Variants in KHDRBS2 observed in about 807,000 individuals in gnomAD.
The protein encoded by KHDRBS2 is KH RNA binding domain containing, signal transduction associated 2.
KHDRBS2 carries 26 observed loss-of-function variants against 44.3 expected under a neutral mutation model. The observed-to-expected ratio is 0.59, with a 90% CI of 0.43 to 0.81. KHDRBS2 has a LOEUF of 0.81. KHDRBS2 is among the 40% of genes least tolerant of loss of function. The pLI, the probability that KHDRBS2 is intolerant of heterozygous loss-of-function variation, is 0.00. For synonymous variants in KHDRBS2, 194 were observed against 151.1 expected (o/e 1.28, Z -2.08); for missense variants, 476 against 433.1 (o/e 1.10, Z -0.88).
intron 2 of KHDRBS2, among the ~76,000 whole-genome samples, chr6:62,126,884 A>G (rs778562537): frequency 1.3e-5 from 2 of 152,184 alleles, no homozygotes; most frequent in Non-Finnish European, 2.9e-5. Context: ...ATTTAACTTT[A>G]TATATAGGTT....
intron 2 of KHDRBS2, among the ~76,000 whole-genome samples, chr6:62,139,795 A>G (rs2150097039): frequency 6.6e-6 from 1 of 152,226 alleles, no homozygotes. Context: ...CCATTTATTA[A>G]TTGACAATCA....
intron 2 of KHDRBS2, among the ~76,000 whole-genome samples, chr6:62,171,337 G>C (rs1027775233): frequency 2.0e-5 from 3 of 151,728 alleles, no homozygotes; most frequent in Non-Finnish European, 4.4e-5. Context: ...AAGAATCTTA[G>C]AGCTCAAACA....
intron 4 of KHDRBS2, among the ~76,000 whole-genome samples, chr6:61,971,815 C>T (rs1379427792): frequency 6.6e-6 from 1 of 152,144 alleles, no homozygotes; most frequent in Non-Finnish European, 1.5e-5. Flanking sequence ...AAACACATTA[C>T]TATCCAATCT....
chr6:62,176,769 T>G (rs1345495232), intron 2 of KHDRBS2, among the ~76,000 whole-genome samples: 1 of 151,306 alleles, frequency 6.6e-6, no homozygotes, highest in Non-Finnish European at 1.5e-5. Flanking sequence ...CCATGTGACT[T>G]TCTTAGATAT....
chr6:62,129,886 C>G (rs1435343691), intron 2 of KHDRBS2, among the ~76,000 whole-genome samples: 1 of 151,974 alleles, frequency 6.6e-6, no homozygotes, highest in African/African-American at 2.4e-5. Context: ...GCAATTATCA[C>G]CTGTAGGCAA....
chr6:62,126,382 C>T (rs377159721), intron 2 of KHDRBS2, among the ~76,000 whole-genome samples: 5 of 152,154 alleles, frequency 3.3e-5, no homozygotes, highest in Non-Finnish European at 4.4e-5. Context: ...CCCTGGCTCC[C>T]GGACAGCATC....
Position 61,894,761 on chromosome 6 carries a change from T to C in KHDRBS2, c.684A>G (p.Val228=). Residue 228 remains valine (V), a synonymous_variant, in exon 6 of 9, where the codon GTA becomes GTG. Transcript: ENST00000281156. ...RGVLTPRGST[V]TRGALPVPPV... The stretch of plus-strand genomic sequence containing the variant: ...GTGGCACTGGAAGCGCTCCACGGGT[T>C]ACAGTGCTTCCCCGAGGGGTGAGAA... 1 of 1,613,650 alleles carries C rather than the reference T, an allele frequency of 6.2e-7. No homozygotes were observed. The highest frequency in any genetic ancestry group is 8.5e-7 in the Non-Finnish European group (1 of 1,179,846).
chr6:61,910,815 C>T (rs565213733), intron 4 of KHDRBS2, among the ~76,000 whole-genome samples: 18 of 152,222 alleles, frequency 1.2e-4, no homozygotes, highest in African/African-American at 4.3e-4. Context: ...ACAGATTTGA[C>T]TTGTAATTCT....
chr6:61,601,610 C>T, the KHDRBS2 span, among the ~76,000 whole-genome samples: 68 of 152,104 alleles, frequency 4.5e-4, no homozygotes, highest in Non-Finnish European at 9.3e-4. Flanking sequence ...AGTCTCTGTT[C>T]CCAATGCAAC....
At chr6:61,801,491 C>T (rs1439759706) in intron 6 of KHDRBS2, among the ~76,000 whole-genome samples, 1 of 152,076 alleles carries the variant, frequency 6.6e-6, no homozygotes, top group African/African-American at 2.4e-5. Flanking sequence ...CCATATATCT[C>T]TACTTAAACT....
At chr6:61,588,635 A>C in the KHDRBS2 span, among the ~76,000 whole-genome samples, 1 of 152,134 alleles carries the variant, frequency 6.6e-6, no homozygotes, top group Non-Finnish European at 1.5e-5. Context: ...AAACAAAACC[A>C]AAATTAGCTG....
intron 3 of KHDRBS2, among the ~76,000 whole-genome samples, chr6:62,028,373 A>T (rs1192979919): frequency 6.6e-6 from 1 of 152,134 alleles, no homozygotes; most frequent in East Asian, 1.9e-4. Flanking sequence ...CTTTTTGTTC[A>T]GTGTGTTTTG....
chr6:62,018,913 T>C (rs1228620742), intron 3 of KHDRBS2, among the ~76,000 whole-genome samples: 1 of 152,202 alleles, frequency 6.6e-6, no homozygotes, highest in African/African-American at 2.4e-5. Flanking sequence ...ATTCTGACCA[T>C]GTGCACATAA....
chr6:62,029,485 TA>T (rs1394655468), intron 3 of KHDRBS2, among the ~76,000 whole-genome samples: 1 of 151,966 alleles, frequency 6.6e-6, no homozygotes, highest in Non-Finnish European at 1.5e-5. Context: ...ATGTGCAAGA[TA>T]TTTATGAATA....
intron 7 of KHDRBS2, among the ~76,000 whole-genome samples, chr6:61,707,896 A>G (rs1217489943): frequency 6.6e-6 from 1 of 151,696 alleles, no homozygotes; most frequent in Non-Finnish European, 1.5e-5. Context: ...TTATGAGTTA[A>G]TTCCTATAGA....
At chr6:61,699,079 G>A (rs1432142682) in intron 7 of KHDRBS2, among the ~76,000 whole-genome samples, 2 of 151,862 alleles carry the variant, frequency 1.3e-5, no homozygotes, top group African/African-American at 2.4e-5. Flanking sequence ...TAGAAAATTG[G>A]TCTCTCATTT....
chr6:62,006,669 A>G (rs1468161088), intron 3 of KHDRBS2, among the ~76,000 whole-genome samples: 1 of 152,084 alleles, frequency 6.6e-6, no homozygotes, highest in Non-Finnish European at 1.5e-5. Context: ...TTTATCCTAT[A>G]CAAGACCATA....
At chr6:62,111,231 A>G (rs1358565316) in intron 2 of KHDRBS2, among the ~76,000 whole-genome samples, 4 of 152,152 alleles carry the variant, frequency 2.6e-5, no homozygotes, top group Non-Finnish European at 5.9e-5. Context: ...AGAAATTTGC[A>G]ATGTATTAAC....
intron 6 of KHDRBS2, among the ~76,000 whole-genome samples, chr6:61,754,200 G>A (rs1778149516): frequency 6.6e-6 from 1 of 152,230 alleles, no homozygotes. Context: ...TACAGCTGGA[G>A]TTCTCGGCAA....
Sources: allele counts gnomAD v4.1 joint callset (sites outside exome capture counted in the v4.1 genomes callset), GRCh38; gene constraint gnomAD v4.1.1; transcripts MANE v1.5; gene names NCBI Gene and HGNC (gene_info 2026-07-23, HGNC 2026-07-21).